Variants in RBMS1 observed in about 807,000 individuals in gnomAD.
RBMS1 encodes the protein RNA-binding motif, single-stranded-interacting protein 1.
RBMS1 carries 17 observed loss-of-function variants against 62.3 expected under a neutral mutation model. The ratio of observed to expected loss-of-function variants is 0.27; its 90% CI spans 0.19 to 0.41. RBMS1 has a LOEUF of 0.41. Ranked by LOEUF, RBMS1 falls within the 10% of genes least tolerant of loss-of-function variation. The pLI is 1.00. For missense variants in RBMS1, 334 were observed against 504.5 expected (o/e 0.66, Z 3.24); for synonymous variants, 172 against 170.0 (o/e 1.01, Z -0.09).
intron 10 of RBMS1, among the ~76,000 whole-genome samples, chr2:160,280,181 G>A (rs975460410): frequency 2.0e-5 from 3 of 152,144 alleles, no homozygotes; most frequent in Non-Finnish European, 2.9e-5. Context: ...GGGTAGCATG[G>A]AGTATCAGGG....
chr2:160,310,391 T>C (rs1015604824), intron 4 of RBMS1, among the ~76,000 whole-genome samples: 2 of 152,202 alleles, frequency 1.3e-5, no homozygotes, highest in African/African-American at 4.8e-5. Flanking sequence ...CTCTCAGCAG[T>C]TTTAAAAACA....
chr2:160,418,571 T>G (rs1053035148), intron 1 of RBMS1, among the ~76,000 whole-genome samples: 1 of 152,218 alleles, frequency 6.6e-6, no homozygotes, highest in African/African-American at 2.4e-5. Context: ...ACTATTAGTA[T>G]CTGATACTTC....
intron 1 of RBMS1, among the ~76,000 whole-genome samples, chr2:160,426,335 A>AAGGAAGGAAGG: frequency 1.1e-5 from 1 of 93,288 alleles, no homozygotes; most frequent in African/African-American, 4.1e-5. Context: ...GGAAGGAAGG[A>AAGGAAGGAAGG]AAGGAAGGAA....
At chr2:160,353,425 T>A (rs539743207) in intron 2 of RBMS1, among the ~76,000 whole-genome samples, 2 of 152,236 alleles carry the variant, frequency 1.3e-5, no homozygotes, top group Admixed American at 1.3e-4. Context: ...AATACAAATA[T>A]TATCCTTTCC....
chr2:160,436,176 C>T (rs924160835), intron 1 of RBMS1, among the ~76,000 whole-genome samples: 1 of 152,222 alleles, frequency 6.6e-6, no homozygotes, highest in Non-Finnish European at 1.5e-5. Context: ...TCTACCTCGT[C>T]TCTGCTCGAA....
chr2:160,414,720 C>T (rs1696153359), intron 1 of RBMS1, among the ~76,000 whole-genome samples: 1 of 151,986 alleles, frequency 6.6e-6, no homozygotes, highest in Admixed American at 6.6e-5. Flanking sequence ...AAGTTTCTGT[C>T]CCTAAGTTTT....
chr2:160,427,724 C>T (rs1276317614), intron 1 of RBMS1, among the ~76,000 whole-genome samples: 1 of 152,122 alleles, frequency 6.6e-6, no homozygotes, highest in African/African-American at 2.4e-5. Context: ...GTATTATTTA[C>T]AAGAAATCAT....
chr2:160,465,921 A>G (rs575371256), intron 1 of RBMS1, among the ~76,000 whole-genome samples: 5 of 151,636 alleles, frequency 3.3e-5, no homozygotes, highest in Non-Finnish European at 5.9e-5. Flanking sequence ...ATCTTTACAT[A>G]GTAGTTAAGA....
At chr2:160,318,107 T>C (rs1690327011) in intron 3 of RBMS1, 62 bp downstream of exon 3, 3 of 1,561,358 alleles carry the variant, frequency 1.9e-6, no homozygotes, top group Admixed American at 4.3e-5. Flanking sequence ...AAAGATCAGG[T>C]TTTAAATTCC....
intron 1 of RBMS1, among the ~76,000 whole-genome samples, chr2:160,455,328 CAA>C: frequency 6.6e-6 from 1 of 152,266 alleles, no homozygotes; most frequent in Non-Finnish European, 1.5e-5. Context: ...CAAATGTGCT[CAA>C]GTTACAATTA....
At chr2:160,391,432 A>G (rs1694860693) in intron 1 of RBMS1, among the ~76,000 whole-genome samples, 1 of 151,880 alleles carries the variant, frequency 6.6e-6, no homozygotes, top group Admixed American at 6.6e-5. Flanking sequence ...TGAGAAAATT[A>G]GTTTCTGTGT....
At chr2:160,276,184 T>G (rs1319814890) in intron 12 of RBMS1, among the ~76,000 whole-genome samples, 1 of 152,112 alleles carries the variant, frequency 6.6e-6, no homozygotes, top group Non-Finnish European at 1.5e-5. Context: ...TCAATTCAGG[T>G]TGAGTTTTGC....
chr2:160,438,937 G>T (rs1156691855), intron 1 of RBMS1, among the ~76,000 whole-genome samples: 3 of 149,350 alleles, frequency 2.0e-5, no homozygotes, highest in East Asian at 4.0e-4. Context: ...CCGGGCAGAG[G>T]GGCTCCTCAC....
chr2:160,467,024 G>C (rs1684723516), intron 1 of RBMS1, among the ~76,000 whole-genome samples: 1 of 152,116 alleles, frequency 6.6e-6, no homozygotes, highest in African/African-American at 2.4e-5. Context: ...TCTTCTCCTT[G>C]TCTCTTTTCC....
At chr2:160,308,397 AAAAACAAAACAAAAC>A (rs530401245) in intron 4 of RBMS1, among the ~76,000 whole-genome samples, 11 of 151,900 alleles carry the variant, frequency 7.2e-5, no homozygotes, top group Non-Finnish European at 1.5e-4. Context: ...TCTGGTCTCA[AAAAACAAAACAAAAC>A]AAAACAAAAC....
chr2:160,390,891 CAA>C (rs71003493), intron 1 of RBMS1, among the ~76,000 whole-genome samples: 11 of 147,330 alleles, frequency 7.5e-5, no homozygotes, highest in Admixed American at 6.1e-4. Context: ...AAACAACCAC[CAA>C]AAAAAAAAAA....
At chr2:160,419,186 T>C (rs1337793126) in intron 1 of RBMS1, among the ~76,000 whole-genome samples, 1 of 152,154 alleles carries the variant, frequency 6.6e-6, no homozygotes, top group Non-Finnish European at 1.5e-5. Context: ...TTGTAATTTC[T>C]TGATTGATTT....
intron 1 of RBMS1, chr2:160,416,029 A>ATAGG (rs1168664035): frequency 6.6e-6 from 1 of 151,010 alleles, no homozygotes; most frequent in African/African-American, 2.4e-5. Context: ...GAGTACTGAA[A>ATAGG]TAGGATATTT....
chr2:160,276,271 A>G (rs570064873), intron 12 of RBMS1, among the ~76,000 whole-genome samples: 1 of 152,296 alleles, frequency 6.6e-6, no homozygotes, highest in South Asian at 2.1e-4. Flanking sequence ...TTCAGATTGC[A>G]GGTAAGGAAT....
Sources: allele counts gnomAD v4.1 joint callset (sites outside exome capture counted in the v4.1 genomes callset), GRCh38; gene constraint gnomAD v4.1.1; transcripts MANE v1.5; gene names NCBI Gene and HGNC (gene_info 2026-07-23, HGNC 2026-07-21).